Variants in ATXN1 observed in about 807,000 individuals in gnomAD.
ATXN1 encodes ataxin-1.
A neutral mutation model predicts 56.4 loss-of-function variants in ATXN1; 8 were observed. The observed-to-expected ratio is 0.14, with a 90% CI of 0.08 to 0.26. The LOEUF (loss-of-function observed/expected upper bound fraction) is 0.26. Among genes scored for constraint, ATXN1 ranks in the 10% least tolerant of loss-of-function variants. The pLI, the probability that ATXN1 is intolerant of heterozygous loss-of-function variation, is 1.00. For synonymous variants in ATXN1, 514 were observed against 494.6 expected (o/e 1.04, Z -0.52); for missense variants, 987 against 1,106.5 (o/e 0.89, Z 1.53).
chr6:16,668,808 A>G (rs1207644726), intron 2 of ATXN1, among the ~76,000 whole-genome samples: 2 of 151,002 alleles, frequency 1.3e-5, no homozygotes, highest in Non-Finnish European at 3.0e-5. Flanking sequence ...ATTTTATTTT[A>G]TTTACTTTAT....
intron 6 of ATXN1, among the ~76,000 whole-genome samples, chr6:16,399,165 T>C (rs1758516004): frequency 6.6e-6 from 1 of 152,200 alleles, no homozygotes; most frequent in African/African-American, 2.4e-5. Flanking sequence ...CTGGAAAACA[T>C]TTTGGAGGCC....
chr6:16,433,523 T>C (rs375356775), intron 6 of ATXN1, among the ~76,000 whole-genome samples: 2 of 152,340 alleles, frequency 1.3e-5, no homozygotes, highest in East Asian at 3.9e-4. Context: ...CCCTCCTGGT[T>C]AAGCACCCCT....
At chr6:16,350,063 C>T (rs180923507) in intron 6 of ATXN1, among the ~76,000 whole-genome samples, 92 of 152,200 alleles carry the variant, frequency 6.0e-4, no homozygotes, top group African/African-American at 2.1e-3. Context: ...CCCTAATTCC[C>T]AATGAAAGAT....
At chr6:16,708,590 T>C (rs1181367698) in intron 2 of ATXN1, among the ~76,000 whole-genome samples, 7 of 152,180 alleles carry the variant, frequency 4.6e-5, no homozygotes, top group Admixed American at 6.5e-5. Context: ...TCAGTAGATT[T>C]CTAGACAAGG....
intron 6 of ATXN1, among the ~76,000 whole-genome samples, chr6:16,393,742 A>T (rs1454029503): frequency 1.3e-5 from 2 of 152,118 alleles, no homozygotes; most frequent in East Asian, 3.9e-4. Flanking sequence ...TTTAGGCCAG[A>T]CGCAGTGGCT....
At chr6:16,593,960 T>C (rs1762768895) in intron 3 of ATXN1, among the ~76,000 whole-genome samples, 1 of 148,516 alleles carries the variant, frequency 6.7e-6, no homozygotes, top group Non-Finnish European at 1.5e-5. Context: ...CCAATTATTA[T>C]ACATATTAGT....
intron 3 of ATXN1, chr6:16,615,159 A>G (rs1254349203): frequency 1.4e-5 from 2 of 146,938 alleles, no homozygotes; most frequent in Non-Finnish European, 3.0e-5. Context: ...CATGTGCCTT[A>G]ATGGGGGCAA....
intron 4 of ATXN1, among the ~76,000 whole-genome samples, chr6:16,552,936 T>C (rs749727911): frequency 6.6e-6 from 1 of 152,244 alleles, no homozygotes; most frequent in Non-Finnish European, 1.5e-5. Flanking sequence ...GATGACAGAA[T>C]AGCAAATCAT....
chr6:16,445,880 T>G (rs1193676288), intron 6 of ATXN1, among the ~76,000 whole-genome samples: 1 of 151,386 alleles, frequency 6.6e-6, no homozygotes, highest in African/African-American at 2.4e-5. Context: ...TGCATAGTAT[T>G]CCATGGTGTA....
intron 4 of ATXN1, among the ~76,000 whole-genome samples, chr6:16,564,605 C>T (rs553103591): frequency 1.3e-5 from 2 of 152,294 alleles, no homozygotes; most frequent in South Asian, 4.1e-4. Context: ...AAGTCAGTCA[C>T]AGAAGTCCGC....
rs979401962 is a variant in ATXN1, at chr6:16,519,452, G to A, written c.-299+3175C>T. 2.0e-5 allele frequency among the ~76,000 whole-genome samples: 3 copies of A among 152,178 alleles called. No homozygotes were observed. In the East Asian group the frequency reaches 5.8e-4, roughly 29 times the overall value. ...ACTGCAATTAGAAACTGCCTCTCTG[G>A]TAAGAGCTCCCAGAAGATGAGAAAT... On this transcript the variant is annotated intron_variant, in intron 5 of 7. Coordinates refer to ENST00000436367, the MANE Select transcript of ATXN1 (RefSeq NM_001128164.2).
rs1323703903 is a variant in ATXN1 at position 16,760,201 on chromosome 6, T to C, written c.-730+1097A>G. ...GCCCAGAGTGAACGAGCAGTGGGGC[T>C]CCAGGGCGCATCCCAATCCCCGCAG... On this transcript the variant is annotated intron_variant, in intron 1 of 7. Coordinates refer to ENST00000436367, the MANE Select transcript of ATXN1 (RefSeq NM_001128164.2). The surrounding 1 kb of genome is among the most constrained non-coding windows in gnomAD (Gnocchi z 5.3). Among the ~76,000 whole-genome samples, 2 of 151,046 alleles carry C rather than the reference T, an allele frequency of 1.3e-5. No homozygotes were observed. Among genetic ancestry groups the C allele is most frequent in the Non-Finnish European group, 3.0e-5 (2 of 67,786 alleles).
chr6:16,480,154 C>CAAAAAAAAAA (rs60209783), intron 6 of ATXN1, among the ~76,000 whole-genome samples: 2 of 79,114 alleles, frequency 2.5e-5, no homozygotes, highest in Non-Finnish European at 5.1e-5. Context: ...ACTTCATCTG[C>CAAAAAAAAAA]AAAAAAAAAA....
At chr6:16,485,711 C>T (rs1472155020) in intron 6 of ATXN1, 1 of 152,190 alleles carries the variant, frequency 6.6e-6, no homozygotes, top group Non-Finnish European at 1.5e-5. Flanking sequence ...GAAAGAATCA[C>T]TGTATTCCAT....
chr6:16,613,600 G>A (rs1050338317), intron 3 of ATXN1, among the ~76,000 whole-genome samples: 1 of 151,418 alleles, frequency 6.6e-6, no homozygotes, highest in African/African-American at 2.5e-5. Context: ...GCTGAGGCAG[G>A]ATTGCTCAAG....
At chr6:16,525,469 T>C (rs1761372692) in intron 4 of ATXN1, among the ~76,000 whole-genome samples, 1 of 151,614 alleles carries the variant, frequency 6.6e-6, no homozygotes, top group African/African-American at 2.4e-5. Context: ...GATTCAAAAA[T>C]CAAACCTACT....
At chr6:16,510,805 C>G (rs1441331055) in intron 5 of ATXN1, among the ~76,000 whole-genome samples, 2 of 152,104 alleles carry the variant, frequency 1.3e-5, no homozygotes, top group Non-Finnish European at 2.9e-5. Flanking sequence ...GTTAATTTTA[C>G]CAACCTTCTG....
chr6:16,699,752 G>T (rs116443813), intron 2 of ATXN1, among the ~76,000 whole-genome samples: 25 of 152,164 alleles, frequency 1.6e-4, no homozygotes, highest in African/African-American at 5.8e-4. Context: ...CAAATGAAAT[G>T]TCAGACTCGC....
intron 2 of ATXN1, chr6:16,737,848 T>C (rs1319277054): frequency 6.6e-6 from 1 of 151,944 alleles, no homozygotes; most frequent in African/African-American, 2.4e-5. Flanking sequence ...TGCTGTGCAT[T>C]TACAAAACAA....
Sources: allele counts gnomAD v4.1 joint callset (sites outside exome capture counted in the v4.1 genomes callset), GRCh38; gene constraint gnomAD v4.1.1; non-coding constraint Gnocchi (gnomAD v3.1); transcripts MANE v1.5; gene names NCBI Gene and HGNC (gene_info 2026-07-23, HGNC 2026-07-21).